Variants in TDRD12 observed in about 807,000 individuals in gnomAD.
TDRD12 encodes putative ATP-dependent RNA helicase TDRD12.
TDRD12 carries 158 observed loss-of-function variants against 133.5 expected under a neutral mutation model. That is an observed-to-expected ratio of 1.18 (90% CI 1.04 to 1.35). The LOEUF (loss-of-function observed/expected upper bound fraction) is 1.35. TDRD12 is among the 40% of genes most tolerant of loss of function. The probability of loss-of-function intolerance (pLI) is 0.00; values close to 1 mark genes in which losing one functional copy is unlikely to be tolerated. For missense variants in TDRD12, 1,443 were observed against 1,321.3 expected, an observed-to-expected ratio of 1.09 and a Z score of -1.43; for synonymous variants, 460 against 477.9, an observed-to-expected ratio of 0.96 and a Z score of 0.49.
intron 19 of TDRD12, among the ~76,000 whole-genome samples, chr19:32,802,110 A>G (rs76618668): frequency 0.017 from 2,515 of 148,530 alleles, 60 homozygotes; most frequent in African/African-American, 0.059. Context: ...CCCTAGAGTT[A>G]TAGCTTGAGG....
chr19:32,777,193 A>C, exon 11 of TDRD12: 4 of 1,543,150 alleles, frequency 2.6e-6, no homozygotes, highest in Non-Finnish European at 3.5e-6. Flanking sequence ...AGATTGACTG[A>C]GAAGAAAGAA....
intron 11 of TDRD12, among the ~76,000 whole-genome samples, chr19:32,789,100 G>A (rs371460027): frequency 1.3e-5 from 2 of 150,000 alleles, no homozygotes; most frequent in Admixed American, 6.6e-5. Flanking sequence ...GTAGTGTAAG[G>A]TGATGCAGAG....
At chr19:32,818,006 A>G in intron 26 of TDRD12, 83 bp from the exon 27 acceptor site, 1 of 696,490 alleles carries the variant, frequency 1.4e-6, no homozygotes, top group Non-Finnish European at 2.6e-6. Flanking sequence ...CATGCACTCC[A>G]AGCTCTGTCC....
intron 14 of TDRD12, chr19:32,796,188 G>A: frequency 1.0e-6 from 1 of 985,382 alleles, no homozygotes; most frequent in South Asian, 4.7e-5. Context: ...TCCAGACGGG[G>A]CTCCACCAGT....
intron 1 of TDRD12, among the ~76,000 whole-genome samples, chr19:32,721,726 GAGA>G (rs1405456601): frequency 1.1e-5 from 1 of 88,304 alleles, no homozygotes; most frequent in African/African-American, 4.5e-5. Context: ...ATTTTATTTT[GAGA>G]AGGAGTCTTG....
chr19:32,751,578 T>G (rs1420975479), intron 6 of TDRD12, among the ~76,000 whole-genome samples: 1 of 149,708 alleles, frequency 6.7e-6, no homozygotes, highest in Non-Finnish European at 1.5e-5. Flanking sequence ...CTCTCCTTCC[T>G]TCCCCTCCCT....
At chr19:32,817,108 ATG>A (rs1568496354) in intron 26 of TDRD12, among the ~76,000 whole-genome samples, 1 of 152,214 alleles carries the variant, frequency 6.6e-6, no homozygotes, top group Non-Finnish European at 1.5e-5. Context: ...CTTCAATTGC[ATG>A]TGTTTTATCG....
downstream of TDRD12, among the ~76,000 whole-genome samples, chr19:32,823,780 G>A (rs950815714): frequency 6.6e-6 from 1 of 152,230 alleles, no homozygotes; most frequent in Non-Finnish European, 1.5e-5. Flanking sequence ...TTGTCATTAA[G>A]AGGATTTTCC....
At chr19:32,742,744 T>G (rs1312597200) in intron 3 of TDRD12, 37 bp from the exon 4 acceptor site, 35 of 1,538,640 alleles carry the variant, frequency 2.3e-5, no homozygotes, top group Non-Finnish European at 3.1e-5. Context: ...ATATATAATT[T>G]TCTATATAAT....
At chr19:32,776,216 G>A (rs1970580088) in intron 10 of TDRD12, among the ~76,000 whole-genome samples, 1 of 152,226 alleles carries the variant, frequency 6.6e-6, no homozygotes, top group African/African-American at 2.4e-5. Context: ...ACATTGGTGT[G>A]CAGTAATGTG....
chr19:32,748,619 C>T (rs1052438239), intron 5 of TDRD12, 88 bp downstream of exon 5: 70 of 1,366,354 alleles, frequency 5.1e-5, no homozygotes, highest in African/African-American at 8.8e-5. Context: ...TTGGAGATGC[C>T]CCTGTTGGCC....
intron 27 of TDRD12, among the ~76,000 whole-genome samples, chr19:32,820,096 CG>C (rs1259343535): frequency 6.6e-6 from 1 of 152,062 alleles, no homozygotes; most frequent in Non-Finnish European, 1.5e-5. Context: ...AGAGGGTGGG[CG>C]ACTGCACAGA....
intron 16 of TDRD12, among the ~76,000 whole-genome samples, chr19:32,799,011 G>A (rs1971309602): frequency 6.6e-6 from 1 of 152,148 alleles, no homozygotes. Flanking sequence ...CTTAATATTG[G>A]ATATTCAACA....
intron 1 of TDRD12, among the ~76,000 whole-genome samples, chr19:32,724,577 G>C (rs568360160): frequency 2.6e-5 from 4 of 152,132 alleles, no homozygotes; most frequent in Admixed American, 2.6e-4. Context: ...TGGTTACCTA[G>C]TATTCCATGG....
intron 1 of TDRD12, among the ~76,000 whole-genome samples, chr19:32,723,683 A>G (rs1012586175): frequency 1.3e-5 from 2 of 151,380 alleles, no homozygotes; most frequent in Non-Finnish European, 1.5e-5. Flanking sequence ...AAAAAAAAAA[A>G]CCATGCTGGA....
intron 12 of TDRD12, 44 bp from the exon 13 acceptor site, chr19:32,790,920 G>A (rs1391073202): frequency 1.2e-5 from 18 of 1,517,352 alleles, no homozygotes; most frequent in African/African-American, 2.8e-5. Flanking sequence ...CTGTGCTGAC[G>A]CCTCAGGGCA....
chr19:32,791,529 A>T (rs1255448098), intron 13 of TDRD12, among the ~76,000 whole-genome samples: 3 of 152,222 alleles, frequency 2.0e-5, no homozygotes, highest in African/African-American at 7.2e-5. Flanking sequence ...ATAGGAAGCT[A>T]AAACAACCAG....
At chr19:32,731,595 A>T in intron 1 of TDRD12, 130 bp from the exon 2 acceptor site, 1 of 791,464 alleles carries the variant, frequency 1.3e-6, no homozygotes, top group Non-Finnish European at 1.9e-6. Context: ...CTAACCATTT[A>T]AGCAAAGGCA....
chr19:32,736,177 A>T (rs1194972009), intron 2 of TDRD12, among the ~76,000 whole-genome samples: 1 of 152,208 alleles, frequency 6.6e-6, no homozygotes, highest in East Asian at 1.9e-4. Context: ...GAATGACAGC[A>T]CATCTGTTCA....
Sources: allele counts gnomAD v4.1 joint callset (sites outside exome capture counted in the v4.1 genomes callset), GRCh38; gene constraint gnomAD v4.1.1; transcripts MANE v1.5; gene names NCBI Gene and HGNC (gene_info 2026-07-23, HGNC 2026-07-21).